The following LONRF2 variants were observed in gnomAD, a reference collection of about 807,000 sequenced individuals.
LONRF2 encodes LON peptidase N-terminal domain and ring finger 2, also known as LON peptidase N-terminal domain and RING finger protein 2.
In LONRF2, 35 loss-of-function variants were observed where a neutral mutation model predicts 66.6. The observed-to-expected ratio is 0.53, with a 90% CI of 0.40 to 0.70. The LOEUF (loss-of-function observed/expected upper bound fraction) is 0.70. Ranked by LOEUF, LONRF2 falls within the 30% of genes least tolerant of loss-of-function variation. LONRF2 has a pLI of 0.00. For synonymous variants in LONRF2, 417 were observed against 418.1 expected (o/e 1.00, Z 0.03); for missense variants, 902 against 1,002.1 (o/e 0.90, Z 1.35).
At position 100,321,993 on chromosome 2, in the gene LONRF2, A is replaced by G; in HGVS notation, c.101T>C (p.Phe34Ser). 6.8e-7 allele frequency: 1 copy of G among 1,460,738 alleles called. No homozygotes were observed. The highest frequency in any genetic ancestry group is 9.0e-7 in the Non-Finnish European group (1 of 1,107,854). 90.5% of individuals were successfully genotyped at this position (1,460,738 alleles called of 1,614,324 possible). Residue 34 changes from phenylalanine (F) to serine (S), a missense_variant, in exon 1 of 12, where the codon TTC becomes TCC. Around this residue, in one of 2 missense-constraint regions of LONRF2, gnomAD observed 585 missense variants for 569.9 expected, o/e 1.03. Transcript: ENST00000393437. ...AQRLEEGDEA[F>S]RAGDYEMAAE... ...TGCCATCTCGTAGTCGCCCGCGCGG[A>G]AGGCCTCGTCGCCCTCCTCTAAGCG...
chr2:100,281,385 C>T lies in LONRF2; in HGVS notation c.*2913G>A, dbSNP rs981968284. On this transcript the variant is annotated 3_prime_UTR_variant, in exon 12 of 12. Transcript: ENST00000393437. ...TGAGATAATACTGTTGAATTTGGTA[C>T]ATGAATTGGTTAAGAATTATTGTGT... 2 of 152,154 alleles carry T rather than the reference C, an allele frequency of 1.3e-5. No individual in the cohort carries two copies. Among genetic ancestry groups the T allele is most frequent in the Admixed American group, 1.3e-4 (2 of 15,280 alleles). The allele number at this position is 152,154 out of a possible 1,614,324, so 9.4% of individuals were successfully genotyped here. A position where few individuals can be genotyped will look rare whatever the true frequency, so the allele number is the denominator to read the frequency against.
chr2:100,300,408 G>A (rs868026650), intron 4 of LONRF2, among the ~76,000 whole-genome samples: 10 of 152,032 alleles, frequency 6.6e-5, no homozygotes, highest in East Asian at 5.8e-4. Context: ...GTCTCCTGCC[G>A]TTTGGGGTGA....
rs1266289184 is a variant in LONRF2 at position 100,277,848 on chromosome 2, A to G, written c.*6450T>C. On this transcript the variant is annotated 3_prime_UTR_variant, in exon 12 of 12. Transcript: ENST00000393437. The stretch of plus-strand genomic sequence containing the variant: ...ATGAAAAACTCTGGGACTCTTCCTC[A>G]CAGATACCCCAAATCCAAATCTAAA... The G allele has an allele frequency of 6.6e-6, 1 of 152,176 alleles. No individual in the cohort carries two copies. The highest frequency in any genetic ancestry group is 6.5e-5 in the Admixed American group (1 of 15,274). 9.4% of individuals were successfully genotyped at this position (152,176 alleles called of 1,614,324 possible). A position where few individuals can be genotyped will look rare whatever the true frequency, so the allele number is the denominator to read the frequency against.
At chr2:100,316,767 C>T (rs1178134001) in intron 1 of LONRF2, among the ~76,000 whole-genome samples, 5 of 152,158 alleles carry the variant, frequency 3.3e-5, no homozygotes, top group Admixed American at 3.3e-4. Flanking sequence ...CTTACTTTAT[C>T]AGTTACTAAA....
chr2:100,318,738 C>T (rs550584494), intron 1 of LONRF2, among the ~76,000 whole-genome samples: 242 of 149,026 alleles, frequency 1.6e-3, no homozygotes, highest in Non-Finnish European at 1.9e-3. Flanking sequence ...GGCTGAGGCA[C>T]GAGAATCACC....
At position 100,280,364 on chromosome 2, in the gene LONRF2, G is replaced by A. The variant is rs1191231520; in HGVS notation, c.*3934C>T. ...GCAGCTCATCCTTCCCATCCAGAGC[G>A]GGCTTCCCTGGGAATTAGTTTTTGG... On this transcript the variant is annotated 3_prime_UTR_variant, in exon 12 of 12. Transcript: ENST00000393437. 2.0e-5 allele frequency: 3 copies of A among 152,146 alleles called. No homozygotes were observed. The highest frequency in any genetic ancestry group is 4.8e-5 in the African/African-American group (2 of 41,412). The allele number at this position is 152,146 out of a possible 1,614,324, so 9.4% of individuals were successfully genotyped here. A position where few individuals can be genotyped will look rare whatever the true frequency, so the allele number is the denominator to read the frequency against.
Position 100,321,795 on chromosome 2 carries a change from C to T in LONRF2, c.299G>A (p.Gly100Asp), listed in dbSNP as rs1430144629. The T allele has an allele frequency of 1.8e-5, 19 of 1,065,944 alleles. No individual in the cohort carries two copies. The highest frequency in any genetic ancestry group is 3.8e-5 in the South Asian group (1 of 26,040). The allele number at this position is 1,065,944 out of a possible 1,614,324, so 66.0% of individuals were successfully genotyped here. ...LRPEELEELAGGLVRAVGLRD... is the reference protein window; with the variant it reads ...LRPEELEELADGLVRAVGLRD... ...CAGGCCCACGGCGCGCACCAGGCCG[C>T]CCGCCAGCTCTTCCAGCTCCTCCGG... is the stretch of plus-strand genomic sequence containing the variant. Residue 100 changes from glycine (G) to aspartate (D), a missense_variant, in exon 1 of 12, where the codon GGC becomes GAC. This residue lies in a region of LONRF2 where 585 missense variants were observed against 569.9 expected (regional missense o/e 1.03). Coordinates refer to ENST00000393437, the MANE Select transcript of LONRF2 (RefSeq NM_198461.4).
At chr2:100,315,713 T>C (rs1675493139) in intron 1 of LONRF2, among the ~76,000 whole-genome samples, 1 of 152,244 alleles carries the variant, frequency 6.6e-6, no homozygotes, top group African/African-American at 2.4e-5. Context: ...TGTGATATTC[T>C]TTAAGGGTAT....
At position 100,276,461 on chromosome 2, in the gene LONRF2, A is replaced by C. The variant is rs1674602670; in HGVS notation, c.*7837T>G. On this transcript the variant is annotated 3_prime_UTR_variant, in exon 12 of 12. Transcript: ENST00000393437. ...AGACACTCTAATAAAACAAATAATA[A>C]ATTAAAATTAAAGTCAGTCTTTGGC... is the stretch of plus-strand genomic sequence containing the variant. 6.6e-6 allele frequency: 1 copy of C among 152,194 alleles called. No individual in the cohort carries two copies. Among genetic ancestry groups the C allele is most frequent in the Admixed American group, 6.5e-5 (1 of 15,284 alleles). The allele number at this position is 152,194 out of a possible 1,614,324, so 9.4% of individuals were successfully genotyped here. A position where few individuals can be genotyped will look rare whatever the true frequency, so the allele number is the denominator to read the frequency against.
chr2:100,318,089 A>C (rs1394019988), intron 1 of LONRF2, among the ~76,000 whole-genome samples: 1 of 152,082 alleles, frequency 6.6e-6, no homozygotes, highest in African/African-American at 2.4e-5. Context: ...CCAGGATTCC[A>C]ATTTCATCGA....
At chr2:100,296,794 T>C (rs1675077122) in intron 7 of LONRF2, among the ~76,000 whole-genome samples, 1 of 152,190 alleles carries the variant, frequency 6.6e-6, no homozygotes. Flanking sequence ...TGAAGAGTAA[T>C]ACAATAAAAC....
At chr2:100,289,175 CCAT>C (rs35269209) in intron 10 of LONRF2, among the ~76,000 whole-genome samples, 61,830 of 151,692 alleles carry the variant, frequency 0.41, 13,103 homozygotes, top group East Asian at 0.53. Context: ...GTGCTCACCA[CCAT>C]GTTTCCGGAA....
chr2:100,290,148 T>A (rs775199988), intron 10 of LONRF2, 110 bp downstream of exon 10: 4 of 1,024,724 alleles, frequency 3.9e-6, no homozygotes, highest in Non-Finnish European at 5.7e-6. Context: ...AAGTGATGAA[T>A]TAAGGACTTA....
At chr2:100,313,876 A>T (rs1675455782) in intron 1 of LONRF2, among the ~76,000 whole-genome samples, 1 of 152,160 alleles carries the variant, frequency 6.6e-6, no homozygotes. Flanking sequence ...TCACTAAATT[A>T]TCATTCTGTG....
At chr2:100,318,080 C>G (rs555819429) in intron 1 of LONRF2, among the ~76,000 whole-genome samples, 1 of 152,130 alleles carries the variant, frequency 6.6e-6, no homozygotes, top group Non-Finnish European at 1.5e-5. Flanking sequence ...TCTCTTCTTC[C>G]AGGATTCCAA....
intron 7 of LONRF2, among the ~76,000 whole-genome samples, chr2:100,296,788 G>C (rs1233378615): frequency 6.6e-6 from 1 of 152,156 alleles, no homozygotes; most frequent in Admixed American, 6.5e-5. Context: ...TTTTATTGAA[G>C]AGTAATACAA....
rs867497915 is a variant in LONRF2 at position 100,299,303 on chromosome 2, C to T, written c.1284G>A (p.Arg428=). The stretch of plus-strand genomic sequence containing the variant: ...TTTCTTCTGTCTCAGAGTTTGGGCT[C>T]CTTTGAAGTGAGAGATCTGAATGCG... ...KIPKKDLSLQ[R]SPNSETEESQ... Residue 428 remains arginine, a synonymous_variant, in exon 6 of 12, where the codon AGG becomes AGA. Coordinates refer to ENST00000393437, the MANE Select transcript of LONRF2 (RefSeq NM_198461.4). 6.3e-7 allele frequency: 1 copy of T among 1,579,116 alleles called. No individual in the cohort carries two copies. The highest frequency in any genetic ancestry group is 8.6e-7 in the Non-Finnish European group (1 of 1,163,040).
intron 1 of LONRF2, among the ~76,000 whole-genome samples, chr2:100,316,744 T>G (rs1357693931): frequency 6.6e-6 from 1 of 152,238 alleles, no homozygotes; most frequent in Admixed American, 6.5e-5. Context: ...ATATCCTTAC[T>G]TATTTTGCAA....
In LONRF2 at chr2:100,290,490, G is replaced by A. The variant is rs370297135; in HGVS notation, c.1758-70C>T. 1.2e-4 allele frequency: 181 copies of A among 1,470,624 alleles called. No individual in the cohort carries two copies. In the Middle Eastern group the frequency reaches 1.3e-3, roughly 10 times the overall value. 91.1% of individuals were successfully genotyped at this position (1,470,624 alleles called of 1,614,324 possible). A position where few individuals can be genotyped will look rare whatever the true frequency, so the allele number is the denominator to read the frequency against. ...GGGGGCCTTCTTTTTCCCTGGATGA[G>A]AGTTTACTTTTAAAAGGAATACAAA... is the stretch of plus-strand genomic sequence containing the variant. On this transcript the variant is annotated intron_variant, in intron 9 of 11. Coordinates refer to ENST00000393437, the MANE Select transcript of LONRF2 (RefSeq NM_198461.4).
Sources: gnomAD v4.1 joint callset for allele counts (sites outside exome capture counted in the v4.1 genomes callset) on GRCh38, gnomAD v4.1.1 for gene constraint, gnomAD v4.1.1 regional missense constraint, MANE v1.5 for transcripts, NCBI Gene and HGNC (gene_info 2026-07-23, HGNC 2026-07-21) for gene names.